REELD1: variants seen among roughly 807,000 people sequenced by gnomAD.
REELD1 encodes the protein reeler domain containing 1.
REELD1 carries 12 observed loss-of-function variants against 6.3 expected under a neutral mutation model. The ratio of observed to expected loss-of-function variants is 1.89; its 90% CI spans 1.21 to 3.07. REELD1 has a LOEUF of 3.07. Among genes scored for constraint, REELD1 ranks in the 30% most tolerant of loss-of-function variants. REELD1 has a pLI of 0.00. For synonymous variants in REELD1, 57 were observed against 33.6 expected (o/e 1.70, Z -2.42); for missense variants, 163 against 86.8 (o/e 1.88, Z -3.49).
At position 146,224,613 on chromosome 4, in the gene REELD1, A is replaced by T; in HGVS notation, c.595+5A>T. On this transcript the variant is annotated splice_donor_5th_base_variant and intron_variant, in intron 5 of 7. Coordinates refer to ENST00000623665, the MANE Select transcript of REELD1 (RefSeq NM_001354631.1). Reference sequence around the variant, plus strand: ...ATGTTGAAGGAGCTGCTCCAGGTACAGCTTGTCATTGTATTTGCCAGGCTG... The same window carrying T: ...ATGTTGAAGGAGCTGCTCCAGGTACTGCTTGTCATTGTATTTGCCAGGCTG... 1 of 701,964 alleles carries T rather than the reference A, an allele frequency of 1.4e-6. No individual in the cohort carries two copies. The highest frequency in any genetic ancestry group is 2.7e-5 in the East Asian group (1 of 37,278). 43.5% of individuals were successfully genotyped at this position (701,964 alleles called of 1,614,324 possible). A position where few individuals can be genotyped will look rare whatever the true frequency, so the allele number is the denominator to read the frequency against.
At chr4:146,216,713 A>G (rs994357251) in intron 2 of REELD1, among the ~76,000 whole-genome samples, 1 of 152,236 alleles carries the variant, frequency 6.6e-6, no homozygotes, top group African/African-American at 2.4e-5. Context: ...CTTATGAGAA[A>G]ATTACAAGAA....
intron 4 of REELD1, among the ~76,000 whole-genome samples, chr4:146,223,659 A>G (rs1730964148): frequency 6.6e-6 from 1 of 152,192 alleles, no homozygotes; most frequent in Admixed American, 6.5e-5. Context: ...GACAGAAAAA[A>G]CGAGGTAAGT....
At chr4:146,228,664 T>C (rs1731071859) in intron 6 of REELD1, 142 bp downstream of exon 6, 3 of 592,682 alleles carry the variant, frequency 5.1e-6, no homozygotes, top group Non-Finnish European at 9.0e-6. Flanking sequence ...GCAGGGCTAC[T>C]TGTCAGAAGG....
At chr4:146,228,160 C>A in intron 5 of REELD1, 50 bp from the exon 6 acceptor site, 2 of 670,840 alleles carry the variant, frequency 3.0e-6, no homozygotes, top group South Asian at 1.6e-5. Context: ...ACAATCGATG[C>A]GGGGAAAATG....
At chr4:146,226,565 G>A (rs1278413572) in intron 5 of REELD1, among the ~76,000 whole-genome samples, 3 of 152,160 alleles carry the variant, frequency 2.0e-5, no homozygotes, top group African/African-American at 7.2e-5. Context: ...CATGGTGGAA[G>A]GGGTGAACAA....
chr4:146,227,302 C>T (rs140110950), intron 5 of REELD1, among the ~76,000 whole-genome samples: 181 of 152,330 alleles, frequency 1.2e-3, no homozygotes, highest in Admixed American at 4.7e-3. Context: ...TTCACCTCAA[C>T]GTTTTTGAGT....
At chr4:146,220,726 G>T (rs993250227) in intron 3 of REELD1, among the ~76,000 whole-genome samples, 7 of 152,210 alleles carry the variant, frequency 4.6e-5, no homozygotes, top group Non-Finnish European at 2.9e-5. Context: ...AGCAGATCTG[G>T]CCTCATTGGC....
intron 2 of REELD1, 118 bp from the exon 3 acceptor site, chr4:146,216,824 C>A: frequency 2.5e-6 from 1 of 397,524 alleles, no homozygotes; most frequent in Admixed American, 4.4e-5. Context: ...GGAGGCTGCA[C>A]TAAAAGCATC....
At chr4:146,222,713 G>C in intron 4 of REELD1, 134 bp downstream of exon 4, 1 of 396,958 alleles carries the variant, frequency 2.5e-6, no homozygotes, top group Non-Finnish European at 4.4e-6. Flanking sequence ...CAGGGTCATG[G>C]ATGCTGCCTA....
intron 3 of REELD1, 114 bp downstream of exon 3, chr4:146,217,274 T>G (rs1019799261): frequency 2.6e-6 from 1 of 391,262 alleles, no homozygotes; most frequent in African/African-American, 2.1e-5. Flanking sequence ...GCTTAATCCC[T>G]TTTTTTTGTT....
chr4:146,217,511 T>G (rs1414793462), intron 3 of REELD1, among the ~76,000 whole-genome samples: 1 of 152,194 alleles, frequency 6.6e-6, no homozygotes, highest in African/African-American at 2.4e-5. Flanking sequence ...CCAAAAGTGC[T>G]GGGATTACAG....
At chr4:146,223,364 C>T (rs780157689) in intron 4 of REELD1, among the ~76,000 whole-genome samples, 22 of 152,156 alleles carry the variant, frequency 1.4e-4, no homozygotes, top group Non-Finnish European at 2.8e-4. Flanking sequence ...CCTTCTCCCC[C>T]ACCTCCTGGT....
chr4:146,220,238 G>T (rs1055491569), intron 3 of REELD1, among the ~76,000 whole-genome samples: 2 of 152,172 alleles, frequency 1.3e-5, no homozygotes, highest in Admixed American at 6.5e-5. Flanking sequence ...GTGAGCCACC[G>T]TGCCCAGCCA....
Position 146,224,464 on chromosome 4 carries a change from T to C in REELD1, c.451T>C (p.Tyr151His), listed in dbSNP as rs1009540997. 48 of 662,806 alleles carry C rather than the reference T, an allele frequency of 7.2e-5. No individual in the cohort carries two copies. Among genetic ancestry groups the C allele is most frequent in the Admixed American group, 3.7e-4 (17 of 46,052 alleles). The allele number at this position is 662,806 out of a possible 1,614,324, so 41.1% of individuals were successfully genotyped here. ...CCCCAGTTTATCAGTAGTCCAGTCATATTTTGTTTACTGGGCAAGGATTGA... is the reference window on the plus strand; with the variant it reads ...CCCCAGTTTATCAGTAGTCCAGTCACATTTTGTTTACTGGGCAAGGATTGA... ...IKFLLSVVQS[Y>H]FVYWARIESS... The change falls in exon 5 of 8, where the codon TAT becomes CAT. Residue 151 changes from tyrosine (Y) to histidine (H), a missense_variant. Coordinates refer to ENST00000623665, the MANE Select transcript of REELD1 (RefSeq NM_001354631.1).
Position 146,228,354 on chromosome 4 carries a change from C to T in REELD1, c.740C>T (p.Ser247Phe), listed in dbSNP as rs1578702682. 2 of 702,454 alleles carry T rather than the reference C, an allele frequency of 2.8e-6. No homozygotes were observed. Among genetic ancestry groups the T allele is most frequent in the African/African-American group, 1.7e-5 (1 of 57,252 alleles). 43.5% of individuals were successfully genotyped at this position (702,454 alleles called of 1,614,324 possible). A position where few individuals can be genotyped will look rare whatever the true frequency, so the allele number is the denominator to read the frequency against. ...TKFPGDAETL[S>F]QPSSHTATEG... The stretch of plus-strand genomic sequence containing the variant: ...TTTCCTGGGGATGCAGAGACTCTGT[C>T]CCAACCATCTTCACACACAGCCACT... The change falls in exon 6 of 8, where the codon TCC becomes TTC. Residue 247 changes from serine (S) to phenylalanine (F), a missense_variant. Transcript: ENST00000623665.
rs899585887 is a variant in REELD1, at chr4:146,230,789, A to G, written c.*276A>G. On this transcript the variant is annotated 3_prime_UTR_variant, in exon 8 of 8. Transcript: ENST00000623665. ...TTAAACTCAACACAATGAATATTGT[A>G]TAACCCGCTCATTAACTAGACCCCT... is the stretch of plus-strand genomic sequence containing the variant. The G allele has an allele frequency of 3.5e-5, 9 of 257,470 alleles. No individual in the cohort carries two copies. The highest frequency in any genetic ancestry group is 1.5e-4 in the African/African-American group (7 of 45,428). 15.9% of individuals were successfully genotyped at this position (257,470 alleles called of 1,614,324 possible). A position where few individuals can be genotyped will look rare whatever the true frequency, so the allele number is the denominator to read the frequency against.
At chr4:146,216,885 T>C in intron 2 of REELD1, 57 bp from the exon 3 acceptor site, 1 of 397,966 alleles carries the variant, frequency 2.5e-6, no homozygotes, top group East Asian at 3.6e-5. Context: ...CCGAGAAGAC[T>C]TTATGTCGTT....
In REELD1 at chr4:146,230,794, C is replaced by A. The variant is rs1222912110; in HGVS notation, c.*281C>A. 2 of 244,442 alleles carry A rather than the reference C, an allele frequency of 8.2e-6. No homozygotes were observed. The highest frequency in any genetic ancestry group is 4.4e-5 in the African/African-American group (2 of 44,964). 15.1% of individuals were successfully genotyped at this position (244,442 alleles called of 1,614,324 possible). On this transcript the variant is annotated 3_prime_UTR_variant, in exon 8 of 8. Coordinates refer to ENST00000623665, the MANE Select transcript of REELD1 (RefSeq NM_001354631.1). The stretch of plus-strand genomic sequence containing the variant: ...CTCAACACAATGAATATTGTATAAC[C>A]CGCTCATTAACTAGACCCCTGTGGC...
In REELD1 at chr4:146,230,434, G is replaced by A; in HGVS notation, c.1502G>A (p.Gly501Glu). The change falls in exon 8 of 8, where the codon GGG becomes GAG. Residue 501 changes from glycine to glutamate, a missense_variant. Transcript: ENST00000623665. ...SGETVHVRKIGENSFVLVQAE... is the reference protein window; with the variant it reads ...SGETVHVRKIEENSFVLVQAE... Reference sequence around the variant, plus strand: ...GAGACTGTGCACGTCAGGAAGATTGGGGAGAACAGTTTTGTTTTGGTTCAA... The same window carrying A: ...GAGACTGTGCACGTCAGGAAGATTGAGGAGAACAGTTTTGTTTTGGTTCAA... 7.5e-6 allele frequency: 3 copies of A among 398,720 alleles called. No individual in the cohort carries two copies. Among genetic ancestry groups the A allele is most frequent in the Non-Finnish European group, 1.3e-5 (3 of 226,124 alleles). The allele number at this position is 398,720 out of a possible 1,614,324, so 24.7% of individuals were successfully genotyped here. A position where few individuals can be genotyped will look rare whatever the true frequency, so the allele number is the denominator to read the frequency against.
Sources: allele counts gnomAD v4.1 joint callset (sites outside exome capture counted in the v4.1 genomes callset), GRCh38; gene constraint gnomAD v4.1.1; transcripts MANE v1.5; gene names NCBI Gene and HGNC (gene_info 2026-07-23, HGNC 2026-07-21).